Variants in IQSEC2 observed in about 807,000 individuals in gnomAD.
The protein encoded by IQSEC2 is IQ motif and Sec7 domain ArfGEF 2, also known as IQ motif and SEC7 domain-containing protein 2.
A neutral mutation model predicts 74.6 loss-of-function variants in IQSEC2; 6 were observed. That is an observed-to-expected ratio of 0.08 (90% confidence interval 0.04 to 0.16). The LOEUF (loss-of-function observed/expected upper bound fraction) is 0.16, where lower values mean the gene tolerates loss of function less well. Ranked by LOEUF, IQSEC2 falls within the 10% of genes least tolerant of loss-of-function variation. IQSEC2 has a pLI of 1.00. For synonymous variants in IQSEC2, 494 were observed against 544.5 expected (o/e 0.91, Z 1.29); for missense variants, 734 against 1,306.2 (o/e 0.56, Z 6.75).
intron 2 of IQSEC2, among the ~76,000 whole-genome samples, chrX:53,271,394 G>T (rs2074742728): frequency 9.0e-6 from 1 of 111,667 alleles, no homozygotes; most frequent in Non-Finnish European, 1.9e-5. Context: ...CTGGATGCTG[G>T]GTGAGCATTA....
chrX:53,227,581 C>T, downstream of IQSEC2: 1 of 307,886 alleles, frequency 3.2e-6, no homozygotes. Context: ...TCGGGCAGCA[C>T]CCCCAGGCCA....
At chrX:53,262,516 C>T (rs1350406953) in intron 2 of IQSEC2, among the ~76,000 whole-genome samples, 1 of 112,114 alleles carries the variant, frequency 8.9e-6, no homozygotes, top group Non-Finnish European at 1.9e-5. Context: ...GAAAACAAGA[C>T]GAGGAAGGTC....
At position 53,250,284 on chromosome X, in the gene IQSEC2, G is replaced by A; in HGVS notation, c.2292C>T (p.Phe764=). The change falls in exon 5 of 15, where the codon TTC becomes TTT. Residue 764 remains phenylalanine, a synonymous_variant. Transcript: ENST00000642864. ...CTAGAACGGGGAGCACGCACTTGTT[G>A]AAGAGGTTGAGGCCGATTCGGTAGT... ...RRHYRIGLNL[F]NKKPEKGIQY... 8.3e-7 allele frequency: 1 copy of A among 1,211,043 alleles called. No individual in the cohort carries two copies. The highest frequency in any genetic ancestry group is 1.1e-6 in the Non-Finnish European group (1 of 895,430).
rs2074374477 is a variant in IQSEC2, at chrX:53,250,758, C to T, written c.1818G>A (p.Leu606=). ...IEPPSDSSVD[L]SDRSDRGSVH... is the part of the protein sequence containing the mutation. ...CAGAGCCGCGATCTGAGCGGTCACT[C>T]AGGTCCACGGAGCTGTCACTAGGAG... is the stretch of plus-strand genomic sequence containing the variant. The change falls in exon 5 of 15, where the codon CTG becomes CTA. Residue 606 remains leucine (L), a synonymous_variant. Coordinates refer to ENST00000642864, the MANE Select transcript of IQSEC2 (RefSeq NM_001111125.3). The T allele has an allele frequency of 1.1e-5, 13 of 1,209,511 alleles. No homozygotes were observed. Among genetic ancestry groups the T allele is most frequent in the Middle Eastern group, 2.3e-4 (1 of 4,370 alleles).
chrX:53,269,970 A>G lies in IQSEC2; in HGVS notation c.738-13909T>C, dbSNP rs375610172. Among the ~76,000 whole-genome samples the G allele has an allele frequency of 3.3e-4, 36 of 109,177 alleles. No individual in the cohort carries two copies. In the East Asian group the frequency reaches 0.01, roughly 32 times the overall value. The allele number at this position is 109,177 out of a possible 115,157, so 94.8% of individuals were successfully genotyped here. A position where few individuals can be genotyped will look rare whatever the true frequency, so the allele number is the denominator to read the frequency against. On this transcript the variant is annotated intron_variant, in intron 2 of 14. Coordinates refer to ENST00000642864, the MANE Select transcript of IQSEC2 (RefSeq NM_001111125.3). ...CCTACGCGTTGGTTTCCCCTTCCCAATTCTGCTCTGGCCCTCTTCTCTTTC... is the reference window on the plus strand; with the variant it reads ...CCTACGCGTTGGTTTCCCCTTCCCAGTTCTGCTCTGGCCCTCTTCTCTTTC...
Position 53,233,988 on chromosome X carries a change from G to A in IQSEC2, c.*231C>T. The A allele has an allele frequency of 6.6e-6, 2 of 302,631 alleles. No individual in the cohort carries two copies. The highest frequency in any genetic ancestry group is 1.2e-5 in the Non-Finnish European group (2 of 173,059). The allele number at this position is 302,631 out of a possible 1,213,427, so 24.9% of individuals were successfully genotyped here. On this transcript the variant is annotated 3_prime_UTR_variant, in exon 15 of 15. Transcript: ENST00000642864. ...AGGCCCTCACCACTCCCCAGCGCTG[G>A]AGCACCCTGAGTCCAGGCTTCAAGT...
chrX:53,283,292 C>T (rs2074993812), intron 2 of IQSEC2, among the ~76,000 whole-genome samples: 1 of 112,291 alleles, frequency 8.9e-6, no homozygotes, highest in South Asian at 3.7e-4. Flanking sequence ...GGCCCTTTCC[C>T]TCTCTGGTGA....
chrX:53,243,335 T>G lies in IQSEC2; in HGVS notation c.2886A>C (p.Lys962Asn). The G allele has an allele frequency of 8.6e-7, 1 of 1,166,178 alleles. No individual in the cohort carries two copies. Among genetic ancestry groups the G allele is most frequent in the Non-Finnish European group, 1.1e-6 (1 of 872,150 alleles). ...QAVERMIVGKKPVLSLPHRRL... is the reference protein window; with the variant it reads ...QAVERMIVGKNPVLSLPHRRL... Reference sequence around the variant, plus strand: ...TGCAGCCTCCCAAGGCACTTACTGGTTTCTTTCCAACAATCATGCGCTCCA... The same window carrying G: ...TGCAGCCTCCCAAGGCACTTACTGGGTTCTTTCCAACAATCATGCGCTCCA... The change falls in exon 9 of 15, where the codon AAA becomes AAC. Residue 962 changes from lysine (K) to asparagine (N), a missense_variant. Physicochemically the swap from Lys to Asn is moderately conservative, Grantham distance 94 (BLOSUM62 0). Transcript: ENST00000642864.
intron 1 of IQSEC2, among the ~76,000 whole-genome samples, chrX:53,318,842 G>A (rs781956477): frequency 8.9e-6 from 1 of 112,486 alleles, no homozygotes; most frequent in South Asian, 3.6e-4. Context: ...CTCTGCCCCC[G>A]GCCCACCATG....
intron 9 of IQSEC2, among the ~76,000 whole-genome samples, chrX:53,242,728 GTTTTCTTTTTTT>G (rs2074243373): frequency 1.8e-5 from 2 of 110,317 alleles, no homozygotes; most frequent in Admixed American, 9.5e-5. Context: ...TGGCTAAAGC[GTTTTCTTTTTTT>G]TTTTCTTTTT....
intron 2 of IQSEC2, chrX:53,266,389 C>G (rs1397090046): frequency 1.3e-6 from 1 of 753,574 alleles, no homozygotes; most frequent in Non-Finnish European, 1.6e-6. Flanking sequence ...CTCTGAGAGG[C>G]CTTTTCCTCC....
At chrX:53,235,231 C>T in intron 14 of IQSEC2, 47 bp from the exon 15 acceptor site, 2 of 1,159,943 alleles carry the variant, frequency 1.7e-6, no homozygotes, top group Non-Finnish European at 2.3e-6. Flanking sequence ...ATGCCCTAAA[C>T]CCCCAGCCCT....
intron 2 of IQSEC2, chrX:53,279,712 G>T: frequency 1.3e-6 from 1 of 796,060 alleles, no homozygotes; most frequent in Non-Finnish European, 1.9e-6. Context: ...GGGAGGGAGG[G>T]AAGTGGCAGG....
At chrX:53,232,130 A>T (rs1377486150), downstream of IQSEC2, among the ~76,000 whole-genome samples, 1 of 111,714 alleles carries the variant, frequency 9.0e-6, no homozygotes, top group Admixed American at 9.4e-5. Context: ...GAGGTTTGGG[A>T]GGACTGGAAA....
intron 1 of IQSEC2, 68 bp downstream of exon 1, chrX:53,320,349 C>CAG: frequency 1.0e-6 from 1 of 984,218 alleles, no homozygotes; most frequent in Non-Finnish European, 1.4e-6. Flanking sequence ...GCTTCTTACT[C>CAG]TATCAGCTGG....
At chrX:53,315,861 A>G (rs2075365046) in intron 1 of IQSEC2, among the ~76,000 whole-genome samples, 1 of 111,868 alleles carries the variant, frequency 8.9e-6, no homozygotes, top group South Asian at 3.8e-4. Context: ...GGGGTGGGAC[A>G]GATGAGGAAA....
intron 2 of IQSEC2, among the ~76,000 whole-genome samples, chrX:53,259,188 C>CAAAAAAAAAAAAAAAAAAAAAAGAAA: frequency 3.2e-5 from 1 of 31,686 alleles, no homozygotes; most frequent in Non-Finnish European, 5.6e-5. Flanking sequence ...AGACTGTCTC[C>CAAAAAAAAAAAAAAAAAAAAAAGAAA]AAAAAAAAAA....
chrX:53,296,664 G>A (rs2075156427), intron 1 of IQSEC2, among the ~76,000 whole-genome samples: 1 of 109,788 alleles, frequency 9.1e-6, no homozygotes, highest in African/African-American at 3.3e-5. Flanking sequence ...GGGTTCAAGC[G>A]ATTCTCTTGC....
chrX:53,237,913 C>T (rs1639513477), intron 12 of IQSEC2: 1 of 435,988 alleles, frequency 2.3e-6, no homozygotes, highest in African/African-American at 2.5e-5. Flanking sequence ...ATACCTTTCA[C>T]TAGAAGGAAT....
Sources: gnomAD v4.1 joint callset for allele counts (sites outside exome capture counted in the v4.1 genomes callset) on GRCh38, gnomAD v4.1.1 for gene constraint, MANE v1.5 for transcripts, NCBI Gene and HGNC (gene_info 2026-07-23, HGNC 2026-07-21) for gene names.